The following ZNF318 variants were observed in gnomAD, a reference collection of about 807,000 sequenced individuals.
ZNF318 encodes zinc finger protein 318, also known as endocrine regulator.
In ZNF318, 51 loss-of-function variants were observed where a neutral mutation model predicts 124.2. The ratio of observed to expected loss-of-function variants is 0.41; its 90% CI spans 0.33 to 0.52. ZNF318 has a LOEUF of 0.52. ZNF318 is among the 20% of genes least tolerant of loss of function. The pLI, the probability that ZNF318 is intolerant of heterozygous loss-of-function variation, is 0.23. For missense variants in ZNF318, 2,815 were observed against 2,811.2 expected (o/e 1.00, Z -0.03); for synonymous variants, 1,090 against 1,040.7 (o/e 1.05, Z -0.91).
At chr6:43,368,561 G>A (rs1779791651) in intron 1 of ZNF318, 5 of 678,644 alleles carry the variant, frequency 7.4e-6, no homozygotes, top group Non-Finnish European at 9.1e-6. Context: ...CGGACATTTC[G>A]GCTTTTTCCC....
Position 43,336,958 on chromosome 6 carries a change from T to A in ZNF318, c.*200A>T, listed in dbSNP as rs1230071086. 1.1e-5 allele frequency: 4 copies of A among 375,416 alleles called. No homozygotes were observed. The highest frequency in any genetic ancestry group is 1.9e-5 in the Non-Finnish European group (4 of 213,420). The allele number at this position is 375,416 out of a possible 1,614,324, so 23.3% of individuals were successfully genotyped here. A position where few individuals can be genotyped will look rare whatever the true frequency, so the allele number is the denominator to read the frequency against. ...ATATATATATATATATAAGTTGTTATCGATTTGTCTGGTGTTTTAAGGGGA... is the reference window on the plus strand; with the variant it reads ...ATATATATATATATATAAGTTGTTAACGATTTGTCTGGTGTTTTAAGGGGA... On this transcript the variant is annotated 3_prime_UTR_variant, in exon 10 of 10. Transcript: ENST00000361428.
chr6:43,338,992 C>T lies in ZNF318; in HGVS notation c.5006G>A (p.Ser1669Asn), dbSNP rs1779331430. The T allele has an allele frequency of 1.2e-6, 2 of 1,614,092 alleles. No individual in the cohort carries two copies. Among genetic ancestry groups the T allele is most frequent in the South Asian group, 1.1e-5 (1 of 91,090 alleles). The change falls in exon 10 of 10, where the codon AGC becomes AAC. Residue 1669 changes from serine (S) to asparagine (N), a missense_variant. Ser to Asn is a conservative substitution (Grantham distance 46). This residue lies in a region of ZNF318 where 927 missense variants were observed against 820.6 expected (regional missense o/e 1.13). Coordinates refer to ENST00000361428, the MANE Select transcript of ZNF318 (RefSeq NM_014345.3). ...VEHVGPKSTG[S>N]TYGFLQPLTR... ...CAGAGGCTGTAGGAAGCCATAGGTG[C>T]TGCCTGTGCTTTTTGGGCCTACATG... is the stretch of plus-strand genomic sequence containing the variant.
intron 8 of ZNF318, among the ~76,000 whole-genome samples, chr6:43,341,828 T>C (rs1779376395): frequency 6.6e-6 from 1 of 152,194 alleles, no homozygotes; most frequent in South Asian, 2.1e-4. Flanking sequence ...AGTAAGATTT[T>C]GGGCCCATAA....
intron 2 of ZNF318, among the ~76,000 whole-genome samples, chr6:43,362,379 G>A (rs1226550391): frequency 6.6e-6 from 1 of 151,860 alleles, no homozygotes; most frequent in Non-Finnish European, 1.5e-5. Flanking sequence ...CTAGAACCTG[G>A]GAGGCGGAGG....
intron 2 of ZNF318, among the ~76,000 whole-genome samples, chr6:43,364,957 G>A (rs148882847): frequency 6.6e-6 from 1 of 152,336 alleles, no homozygotes; most frequent in East Asian, 1.9e-4. Flanking sequence ...AGAAGGGACT[G>A]CTCATAGTTT....
chr6:43,355,696 T>C lies in ZNF318; in HGVS notation c.1638A>G (p.Leu546=). The C allele has an allele frequency of 3.1e-6, 5 of 1,614,206 alleles. No individual in the cohort carries two copies. Among genetic ancestry groups the C allele is most frequent in the Non-Finnish European group, 4.2e-6 (5 of 1,180,034 alleles). ...KFLYGDEEED[L]KAESVPKPLG... is the part of the protein sequence containing the mutation. ...GGGGCTTTGGTACGGATTCTGCCTTTAAATCCTCTTCTTCATCCCCATAGA... is the reference window on the plus strand; with the variant it reads ...GGGGCTTTGGTACGGATTCTGCCTTCAAATCCTCTTCTTCATCCCCATAGA... Residue 546 remains leucine, a synonymous_variant, in exon 4 of 10, where the codon TTA becomes TTG. Coordinates refer to ENST00000361428, the MANE Select transcript of ZNF318 (RefSeq NM_014345.3).
intron 1 of ZNF318, among the ~76,000 whole-genome samples, chr6:43,368,011 T>C (rs926876811): frequency 1.3e-5 from 2 of 152,020 alleles, no homozygotes; most frequent in African/African-American, 4.8e-5. Flanking sequence ...GGGAACAGAG[T>C]GAGACTCTTT....
chr6:43,356,676 AAATCACAGT>A (rs767265159), intron 3 of ZNF318, among the ~76,000 whole-genome samples: 1 of 152,136 alleles, frequency 6.6e-6, no homozygotes, highest in African/African-American at 2.4e-5. Flanking sequence ...ACTTGTCTAA[AAATCACAGT>A]AAGTTGGTGG....
At position 43,355,612 on chromosome 6, in the gene ZNF318, A is replaced by G; in HGVS notation, c.1722T>C (p.Ala574=). 1.9e-6 allele frequency: 3 copies of G among 1,614,202 alleles called. No individual in the cohort carries two copies. The highest frequency in any genetic ancestry group is 2.5e-6 in the Non-Finnish European group (3 of 1,180,042). The change falls in exon 4 of 10, where the codon GCT becomes GCC. Residue 574 remains alanine (A), a synonymous_variant. Coordinates refer to ENST00000361428, the MANE Select transcript of ZNF318 (RefSeq NM_014345.3). ...CTAGTGATTCTAGCTTTACAGCTGG[A>G]GCTGAAGACGGCAGGGAGCTTGCCT... ...RQKASSLPSS[A]PAVKLESLEE...
intron 4 of ZNF318, among the ~76,000 whole-genome samples, chr6:43,354,311 C>G (rs1562133128): frequency 6.6e-6 from 1 of 152,160 alleles, no homozygotes; most frequent in East Asian, 1.9e-4. Context: ...TTTACTGATT[C>G]TCCTTCACCA....
intron 2 of ZNF318, chr6:43,363,646 T>G: frequency 3.9e-6 from 2 of 511,292 alleles, no homozygotes; most frequent in Non-Finnish European, 7.0e-6. Flanking sequence ...AAAGATCAAG[T>G]CCCTGGAGAA....
chr6:43,368,923 G>A, intron 1 of ZNF318, 44 bp downstream of exon 1: 1 of 1,313,800 alleles, frequency 7.6e-7, no homozygotes, highest in Non-Finnish European at 9.7e-7. Context: ...TCCGGGGGAG[G>A]GGACTGGGGG....
intron 1 of ZNF318, chr6:43,368,599 T>A: frequency 1.1e-6 from 1 of 911,950 alleles, no homozygotes; most frequent in Non-Finnish European, 1.3e-6. Context: ...AGCTCAGGTG[T>A]AAGGGGATGA....
Position 43,357,171 on chromosome 6 carries a change from A to C in ZNF318, c.1143T>G (p.Ile381Met). 1 of 1,614,136 alleles carries C rather than the reference A, an allele frequency of 6.2e-7. No individual in the cohort carries two copies. Among genetic ancestry groups the C allele is most frequent in the East Asian group, 2.2e-5 (1 of 44,888 alleles). Residue 381 changes from isoleucine to methionine, a missense_variant, in exon 3 of 10, where the codon ATT becomes ATG. By Grantham distance (10) the Ile-to-Met change is conservative (BLOSUM62 1). This residue lies in a region of ZNF318 where 1,377 missense variants were observed against 1,353.5 expected (regional missense o/e 1.02). Transcript: ENST00000361428. ...EEVSVMPKKSILKKRIEVDIM... is the reference protein window; with the variant it reads ...EEVSVMPKKSMLKKRIEVDIM... ...TGTCCACCTCAATCCGCTTCTTCAA[A>C]ATGGATTTCTTGGGCATCACAGATA...
chr6:43,357,121 G>C lies in ZNF318; in HGVS notation c.1188+5C>G, dbSNP rs767802216. ...AAGAGGCCCTACAAGAAATGCAGCA[G>C]AGACCTGCATGGAGGGCTCCATTAT... On this transcript the variant is annotated splice_donor_5th_base_variant and intron_variant, in intron 3 of 9. Coordinates refer to ENST00000361428, the MANE Select transcript of ZNF318 (RefSeq NM_014345.3). The C allele has an allele frequency of 1.2e-6, 2 of 1,603,692 alleles. No homozygotes were observed. The highest frequency in any genetic ancestry group is 1.1e-5 in the South Asian group (1 of 89,348).
At position 43,364,266 on chromosome 6, in the gene ZNF318, C is replaced by T. The variant is rs561332503; in HGVS notation, c.548+1026G>A. 2.2e-5 allele frequency: 11 copies of T among 507,212 alleles called. No homozygotes were observed. The South Asian group carries it at 2.3e-4, about 11-fold the overall frequency. The allele number at this position is 507,212 out of a possible 1,614,324, so 31.4% of individuals were successfully genotyped here. A position where few individuals can be genotyped will look rare whatever the true frequency, so the allele number is the denominator to read the frequency against. On this transcript the variant is annotated intron_variant, in intron 2 of 9. Coordinates refer to ENST00000361428, the MANE Select transcript of ZNF318 (RefSeq NM_014345.3). ...CACACCAGAGTCTCTGTGCAGAGGA[C>T]GTAGGCTCCAGCTGTGGCTACAACA...
At chr6:43,352,500 G>C (rs747660805) in intron 4 of ZNF318, 24 bp from the exon 5 acceptor site, 3 of 1,586,584 alleles carry the variant, frequency 1.9e-6, no homozygotes, top group Admixed American at 1.7e-5. Flanking sequence ...AGTGGTAAGA[G>C]AGTCCATCTC....
chr6:43,360,796 T>A (rs1554195810), intron 2 of ZNF318, among the ~76,000 whole-genome samples: 1 of 151,118 alleles, frequency 6.6e-6, no homozygotes, highest in Non-Finnish European at 1.5e-5. Flanking sequence ...GGATGAACCT[T>A]AAAAAAAAAT....
rs117524960 is a variant in ZNF318 at position 43,366,014 on chromosome 6, G to A, written c.400-574C>T. Among the ~76,000 whole-genome samples the A allele has an allele frequency of 4.2e-3, 644 of 152,200 alleles. 20 individuals are homozygous for A. The highest frequency in any genetic ancestry group is 0.035 in the Admixed American group (533 of 15,294). ...CCTACTTCTAGTGTACATACTTCTA[G>A]TGAAGGAGGTAAGCCAAAAACAAGT... On this transcript the variant is annotated intron_variant, in intron 1 of 9. Transcript: ENST00000361428.
Sources: gnomAD v4.1 joint callset for allele counts (sites outside exome capture counted in the v4.1 genomes callset) on GRCh38, gnomAD v4.1.1 for gene constraint, gnomAD v4.1.1 regional missense constraint, MANE v1.5 for transcripts, NCBI Gene and HGNC (gene_info 2026-07-23, HGNC 2026-07-21) for gene names.